The following LARGE1 variants were observed in gnomAD, a reference collection of about 807,000 sequenced individuals.
LARGE1 encodes LARGE xylosyl- and glucuronyltransferase 1.
In LARGE1, 43 loss-of-function variants were observed where a neutral mutation model predicts 87.6. That is an observed-to-expected ratio of 0.49 (90% CI 0.38 to 0.63). The LOEUF (loss-of-function observed/expected upper bound fraction) is 0.63. LARGE1 is among the 30% of genes least tolerant of loss of function. The pLI is 0.00. For missense variants in LARGE1, 802 were observed against 1,000.2 expected (o/e 0.80, Z 2.67); for synonymous variants, 434 against 394.6 (o/e 1.10, Z -1.18).
At chr22:33,800,519 C>T (rs1320508476) in intron 1 of LARGE1, among the ~76,000 whole-genome samples, 2 of 152,118 alleles carry the variant, frequency 1.3e-5, no homozygotes, top group Admixed American at 6.6e-5. Context: ...GTTCTATCAT[C>T]CTGAAGAAAC....
chr22:33,595,366 G>A (rs576539401), intron 5 of LARGE1, among the ~76,000 whole-genome samples: 1 of 152,266 alleles, frequency 6.6e-6, no homozygotes, highest in African/African-American at 2.4e-5. Flanking sequence ...ATGAGTTTAA[G>A]ACTCTGAGCT....
At chr22:33,215,665 G>A (rs1044404927) in intron 11 of LARGE1, among the ~76,000 whole-genome samples, 6 of 152,024 alleles carry the variant, frequency 3.9e-5, no homozygotes, top group South Asian at 2.1e-4. Flanking sequence ...AATATTCCTC[G>A]TCTGTTTAAG....
Position 33,845,470 on chromosome 22 carries a change from G to A in LARGE1, c.-83+74525C>T, listed in dbSNP as rs113287107. Among the ~76,000 whole-genome samples, 498 of 151,898 alleles carry A rather than the reference G, an allele frequency of 3.3e-3. 6 individuals carry two copies. Among genetic ancestry groups the A allele is most frequent in the African/African-American group, 0.011 (463 of 41,410 alleles). ...ATTACAGGCATGCGTCACCATGCCCGGCTAATTTTGTATTTTTAGTAGAGA... is the reference window on the plus strand; with the variant it reads ...ATTACAGGCATGCGTCACCATGCCCAGCTAATTTTGTATTTTTAGTAGAGA... On this transcript the variant is annotated intron_variant, in intron 1 of 14. Coordinates refer to ENST00000397394, the MANE Select transcript of LARGE1 (RefSeq NM_133642.5).
At chr22:33,307,302 C>T (rs1031879454) in intron 11 of LARGE1, among the ~76,000 whole-genome samples, 7 of 152,188 alleles carry the variant, frequency 4.6e-5, no homozygotes, top group Admixed American at 2.0e-4. Flanking sequence ...TTTCAAGTCA[C>T]GCAGTTACAA....
intron 6 of LARGE1, among the ~76,000 whole-genome samples, chr22:33,548,509 G>A (rs1428124174): frequency 1.3e-5 from 2 of 152,018 alleles, no homozygotes; most frequent in African/African-American, 2.4e-5. Context: ...TCCACCTCCC[G>A]GGTACAGGCG....
At chr22:33,871,598 T>A (rs2064283847) in intron 1 of LARGE1, among the ~76,000 whole-genome samples, 1 of 152,186 alleles carries the variant, frequency 6.6e-6, no homozygotes, top group Non-Finnish European at 1.5e-5. Flanking sequence ...TTACCCTTAA[T>A]TTCAAGCTTC....
chr22:33,400,543 T>G (rs2065897474), intron 7 of LARGE1, among the ~76,000 whole-genome samples: 1 of 152,214 alleles, frequency 6.6e-6, no homozygotes, highest in Non-Finnish European at 1.5e-5. Flanking sequence ...TCTGCCTCTC[T>G]CTATCAGTCT....
chr22:33,900,466 G>A (rs994970772), intron 1 of LARGE1, among the ~76,000 whole-genome samples: 22 of 152,116 alleles, frequency 1.4e-4, no homozygotes, highest in African/African-American at 5.1e-4. Flanking sequence ...ACGGGCATCC[G>A]GCCATCACTC....
At chr22:33,891,094 A>T (rs2064995288) in intron 1 of LARGE1, among the ~76,000 whole-genome samples, 1 of 151,694 alleles carries the variant, frequency 6.6e-6, no homozygotes, top group Non-Finnish European at 1.5e-5. Context: ...TCGTCTCCTC[A>T]ACAGGCAGGC....
chr22:33,867,881 G>A (rs1268638344), intron 1 of LARGE1, among the ~76,000 whole-genome samples: 1 of 152,152 alleles, frequency 6.6e-6, no homozygotes, highest in South Asian at 2.1e-4. Flanking sequence ...GGCTAGACAA[G>A]AAGAGGAGAT....
intron 6 of LARGE1, among the ~76,000 whole-genome samples, chr22:33,519,229 C>CGTGTGTGTGT (rs1383308422): frequency 1.3e-4 from 18 of 136,764 alleles, no homozygotes; most frequent in African/African-American, 4.2e-4. Context: ...TGCGTGCGTG[C>CGTGTGTGTGT]GCGCGCGTGT....
intron 1 of LARGE1, among the ~76,000 whole-genome samples, chr22:33,791,437 T>G (rs1255174097): frequency 2.0e-5 from 3 of 152,192 alleles, no homozygotes; most frequent in Non-Finnish European, 4.4e-5. Context: ...ACAAAAAAAT[T>G]TAATTATTTT....
intron 6 of LARGE1, among the ~76,000 whole-genome samples, chr22:33,526,332 A>C (rs2071892242): frequency 6.6e-6 from 1 of 152,238 alleles, no homozygotes; most frequent in Non-Finnish European, 1.5e-5. Flanking sequence ...AATGCCAGAG[A>C]CTTAAAGAGG....
intron 6 of LARGE1, among the ~76,000 whole-genome samples, chr22:33,517,122 A>C (rs2071347286): frequency 6.6e-6 from 1 of 152,158 alleles, no homozygotes; most frequent in Non-Finnish European, 1.5e-5. Flanking sequence ...TTTTTTCCCT[A>C]CAAATTCCCC....
chr22:33,193,691 G>T (rs1373559084), intron 11 of LARGE1, among the ~76,000 whole-genome samples: 1 of 151,930 alleles, frequency 6.6e-6, no homozygotes, highest in Non-Finnish European at 1.5e-5. Context: ...GGTGGTGCAT[G>T]CCTGTAATCC....
chr22:33,080,566 A>G, the LARGE1 span, among the ~76,000 whole-genome samples: 1 of 152,356 alleles, frequency 6.6e-6, no homozygotes, highest in African/African-American at 2.4e-5. Context: ...ATCCAGACCT[A>G]ACTTCACGTG....
chr22:33,229,604 C>T (rs1925904974), intron 11 of LARGE1, among the ~76,000 whole-genome samples: 1 of 151,930 alleles, frequency 6.6e-6, no homozygotes, highest in East Asian at 1.9e-4. Flanking sequence ...TAGAGCTTGT[C>T]ACAGAAATTA....
intron 2 of LARGE1, among the ~76,000 whole-genome samples, chr22:33,734,321 T>G (rs1269990269): frequency 6.6e-6 from 1 of 152,206 alleles, no homozygotes; most frequent in African/African-American, 2.4e-5. Flanking sequence ...CATAGTGATG[T>G]GTTGGATCTT....
chr22:33,918,160 T>C (rs115860748), intron 1 of LARGE1, among the ~76,000 whole-genome samples: 2 of 152,264 alleles, frequency 1.3e-5, no homozygotes, highest in African/African-American at 4.8e-5. Flanking sequence ...AAAAAAACCT[T>C]TCATTTCATT....
Sources: gnomAD v4.1 joint callset for allele counts (sites outside exome capture counted in the v4.1 genomes callset) on GRCh38, gnomAD v4.1.1 for gene constraint, MANE v1.5 for transcripts, NCBI Gene and HGNC (gene_info 2026-07-23, HGNC 2026-07-21) for gene names.